The following SMYD3 variants were observed in gnomAD, a reference collection of about 807,000 sequenced individuals.
The protein encoded by SMYD3 is histone-lysine N-methyltransferase SMYD3.
Under a neutral mutation model 57.7 loss-of-function variants are expected in SMYD3, and 36 were observed. That is an observed-to-expected ratio of 0.62 (90% confidence interval 0.48 to 0.82). The LOEUF is 0.82. SMYD3 is among the 40% of genes least tolerant of loss of function. SMYD3 has a pLI of 0.00. For synonymous variants in SMYD3, 211 were observed against 195.0 expected (o/e 1.08, Z -0.68); for missense variants, 515 against 538.8 (o/e 0.96, Z 0.44).
chr1:246,216,338 A>G (rs2063164018), intron 5 of SMYD3, among the ~76,000 whole-genome samples: 1 of 152,028 alleles, frequency 6.6e-6, no homozygotes, highest in African/African-American at 2.4e-5. Context: ...CAAACAATAA[A>G]ATACATCTCC....
chr1:246,442,156 T>C (rs1057382679), intron 1 of SMYD3, among the ~76,000 whole-genome samples: 26 of 152,226 alleles, frequency 1.7e-4, no homozygotes, highest in Non-Finnish European at 1.0e-4. Flanking sequence ...ACTTGAGTCA[T>C]ACCATGAAGT....
rs1027816022 is a variant in SMYD3, at chr1:246,192,690, A to T, written c.531+134511T>A. Among the ~76,000 whole-genome samples, 6 of 152,370 alleles carry T rather than the reference A, an allele frequency of 3.9e-5. No individual in the cohort carries two copies. The East Asian group carries it at 7.7e-4, about 20-fold the overall frequency. On this transcript the variant is annotated intron_variant, in intron 5 of 11. Transcript: ENST00000490107. ...ATAACTTTAAAAGGGTTAAGGGAAA[A>T]GAAATAAAATTAGTAATGATTGTAA...
intron 5 of SMYD3, among the ~76,000 whole-genome samples, chr1:246,219,670 T>C (rs1021375464): frequency 6.6e-5 from 10 of 152,172 alleles, no homozygotes; most frequent in African/African-American, 2.2e-4. Context: ...ATAAGCCGTC[T>C]GCAGAGAGCA....
At chr1:245,843,596 A>C (rs914786048) in intron 10 of SMYD3, among the ~76,000 whole-genome samples, 3 of 151,570 alleles carry the variant, frequency 2.0e-5, no homozygotes, top group Admixed American at 1.3e-4. Context: ...ATATACATAT[A>C]TGTGAAACAA....
At chr1:245,959,094 G>GT (rs923093604) in intron 5 of SMYD3, among the ~76,000 whole-genome samples, 3 of 151,788 alleles carry the variant, frequency 2.0e-5, no homozygotes, top group South Asian at 2.1e-4. Context: ...TTTTGTTTTT[G>GT]TTTTTTTAAG....
chr1:245,956,094 A>AT, intron 5 of SMYD3: 1 of 979,402 alleles, frequency 1.0e-6, no homozygotes, highest in Non-Finnish European at 1.2e-6. Flanking sequence ...CTATTTTTTC[A>AT]TTTTTCAGAG....
intron 1 of SMYD3, among the ~76,000 whole-genome samples, chr1:246,360,719 A>C (rs2065974580): frequency 6.6e-6 from 1 of 152,220 alleles, no homozygotes; most frequent in Admixed American, 6.5e-5. Flanking sequence ...TATTCAACAA[A>C]TAGTGCTGGG....
At chr1:246,506,199 A>C (rs892740259) in intron 1 of SMYD3, among the ~76,000 whole-genome samples, 1 of 152,230 alleles carries the variant, frequency 6.6e-6, no homozygotes, top group Non-Finnish European at 1.5e-5. Context: ...TCGCACACAG[A>C]AGCTCAATAA....
chr1:245,793,737 C>A (rs552469180), intron 10 of SMYD3, among the ~76,000 whole-genome samples: 134 of 152,262 alleles, frequency 8.8e-4, no homozygotes, highest in African/African-American at 3.1e-3. Flanking sequence ...CAGGGACCAA[C>A]CATATTAGCT....
intron 5 of SMYD3, among the ~76,000 whole-genome samples, chr1:246,270,324 A>T (rs866419004): frequency 2.7e-4 from 41 of 152,336 alleles, no homozygotes; most frequent in African/African-American, 9.6e-4. Flanking sequence ...AAATATGCAT[A>T]AAAAATTTAC....
chr1:246,213,998 A>G (rs1572221811), intron 5 of SMYD3, among the ~76,000 whole-genome samples: 2 of 152,188 alleles, frequency 1.3e-5, no homozygotes, highest in Admixed American at 6.5e-5. Flanking sequence ...TAACACCAAA[A>G]GCTCCCTTCT....
Position 246,307,443 on chromosome 1 carries a change from G to A in SMYD3, c.531+19758C>T, listed in dbSNP as rs1257424069. Reference sequence around the variant, plus strand: ...TTTTTTTTTTTTTTTTTTTTGAGACGGAGTCTCGCTCTGTCGCCCAGGCTG... The same window carrying A: ...TTTTTTTTTTTTTTTTTTTTGAGACAGAGTCTCGCTCTGTCGCCCAGGCTG... On this transcript the variant is annotated intron_variant, in intron 5 of 11. Coordinates refer to ENST00000490107, the MANE Select transcript of SMYD3 (RefSeq NM_001167740.2). Among the ~76,000 whole-genome samples, 9 of 133,748 alleles carry A rather than the reference G, an allele frequency of 6.7e-5. No homozygotes were observed. The South Asian group carries it at 9.5e-4, about 14-fold the overall frequency. 87.7% of individuals were successfully genotyped at this position (133,748 alleles called of 152,430 possible).
chr1:246,471,675 C>G (rs1478098093), intron 1 of SMYD3, among the ~76,000 whole-genome samples: 1 of 152,238 alleles, frequency 6.6e-6, no homozygotes, highest in Non-Finnish European at 1.5e-5. Flanking sequence ...CACTGGCGCT[C>G]TGCTTACTGT....
At chr1:246,177,279 C>T (rs1275800098) in intron 5 of SMYD3, among the ~76,000 whole-genome samples, 2 of 152,196 alleles carry the variant, frequency 1.3e-5, no homozygotes, top group East Asian at 1.9e-4. Flanking sequence ...TCTTAAATTA[C>T]ATGCCATCAC....
intron 8 of SMYD3, among the ~76,000 whole-genome samples, chr1:245,914,870 T>C (rs2055286258): frequency 6.6e-6 from 1 of 152,192 alleles, no homozygotes; most frequent in Non-Finnish European, 1.5e-5. Context: ...TATGTGCAAT[T>C]ATTATGTGTC....
At chr1:246,438,981 A>G (rs1389358195) in intron 1 of SMYD3, among the ~76,000 whole-genome samples, 1 of 151,838 alleles carries the variant, frequency 6.6e-6, no homozygotes, top group East Asian at 1.9e-4. Context: ...CTGGTTCCTG[A>G]CAGGCCATGG....
At chr1:246,312,191 C>T (rs890265106) in intron 5 of SMYD3, among the ~76,000 whole-genome samples, 2 of 152,080 alleles carry the variant, frequency 1.3e-5, no homozygotes, top group African/African-American at 4.8e-5. Context: ...CTTGCAGGGT[C>T]CTCAAATGCC....
intron 5 of SMYD3, among the ~76,000 whole-genome samples, chr1:246,270,060 T>C (rs2064190988): frequency 6.6e-6 from 1 of 152,186 alleles, no homozygotes; most frequent in African/African-American, 2.4e-5. Flanking sequence ...TTGAATAAAT[T>C]AATAACATTA....
At chr1:246,057,567 T>C (rs1214683892) in intron 5 of SMYD3, among the ~76,000 whole-genome samples, 1 of 152,166 alleles carries the variant, frequency 6.6e-6, no homozygotes, top group Non-Finnish European at 1.5e-5. Context: ...ACTACGCACA[T>C]ATTAGAATGG....
Sources: allele counts gnomAD v4.1 joint callset (sites outside exome capture counted in the v4.1 genomes callset), GRCh38; gene constraint gnomAD v4.1.1; transcripts MANE v1.5; gene names NCBI Gene and HGNC (gene_info 2026-07-23, HGNC 2026-07-21).